The following CSMD1 variants were observed in gnomAD, a reference collection of about 807,000 sequenced individuals.
The protein encoded by CSMD1 is CUB and Sushi multiple domains 1, also known as CUB and sushi domain-containing protein 1.
CSMD1 carries 213 observed loss-of-function variants against 417.5 expected under a neutral mutation model. The ratio of observed to expected loss-of-function variants is 0.51; its 90% CI spans 0.46 to 0.57. The LOEUF is 0.57. Among genes scored for constraint, CSMD1 ranks in the 20% least tolerant of loss-of-function variants. The pLI is 0.00. For synonymous variants in CSMD1, 2,862 were observed against 1,736.8 expected, an observed-to-expected ratio of 1.65 and a Z score of -16.11; for missense variants, 6,923 against 4,529.7, an observed-to-expected ratio of 1.53 and a Z score of -15.17.
chr8:4,361,630 C>G (rs1480391495), intron 3 of CSMD1, among the ~76,000 whole-genome samples: 2 of 152,100 alleles, frequency 1.3e-5, no homozygotes, highest in African/African-American at 4.8e-5. Flanking sequence ...TTTGCTGTCC[C>G]TTTTGTTTTG....
chr8:4,387,198 A>G (rs931778245), intron 3 of CSMD1, among the ~76,000 whole-genome samples: 1 of 152,198 alleles, frequency 6.6e-6, no homozygotes, highest in Non-Finnish European at 1.5e-5. Context: ...GAGGTATCTG[A>G]GTGTCACTCA....
chr8:4,186,611 A>G (rs751041695), intron 3 of CSMD1, among the ~76,000 whole-genome samples: 2 of 152,164 alleles, frequency 1.3e-5, no homozygotes, highest in African/African-American at 2.4e-5. Context: ...CCCCTCTCTC[A>G]ATCTTCCAGG....
At chr8:3,429,943 T>A (rs1057158197) in intron 12 of CSMD1, among the ~76,000 whole-genome samples, 1 of 152,220 alleles carries the variant, frequency 6.6e-6, no homozygotes, top group African/African-American at 2.4e-5. Context: ...TATTTGTCAA[T>A]CTCGATATGT....
intron 3 of CSMD1, among the ~76,000 whole-genome samples, chr8:4,243,415 A>G (rs1202837759): frequency 1.3e-5 from 2 of 152,130 alleles, no homozygotes; most frequent in Non-Finnish European, 2.9e-5. Flanking sequence ...TCTACTGACC[A>G]CTTTGCTCCT....
chr8:3,763,476 C>T (rs926884553), intron 5 of CSMD1, among the ~76,000 whole-genome samples: 1 of 152,098 alleles, frequency 6.6e-6, no homozygotes, highest in African/African-American at 2.4e-5. Flanking sequence ...CCTTTGCTCC[C>T]CTTCTCACCC....
chr8:3,121,437 T>C (rs539255730), intron 41 of CSMD1, among the ~76,000 whole-genome samples: 220 of 152,278 alleles, frequency 1.4e-3, no homozygotes, highest in Middle Eastern at 3.4e-3. Flanking sequence ...ATTCCTGGCA[T>C]TGGCTCCCCC....
At chr8:3,577,198 T>G (rs1043465933) in intron 9 of CSMD1, among the ~76,000 whole-genome samples, 14 of 152,098 alleles carry the variant, frequency 9.2e-5, no homozygotes, top group African/African-American at 2.9e-4. Context: ...TCACTTGGCT[T>G]ATGAAAATTG....
At chr8:3,196,369 C>T (rs1446615212) in intron 33 of CSMD1, among the ~76,000 whole-genome samples, 1 of 152,124 alleles carries the variant, frequency 6.6e-6, no homozygotes, top group Non-Finnish European at 1.5e-5. Context: ...AGCTGAGTGG[C>T]CCATGCTGCT....
chr8:3,362,279 C>A (rs1245637840), intron 20 of CSMD1, among the ~76,000 whole-genome samples: 7 of 152,162 alleles, frequency 4.6e-5, no homozygotes, highest in African/African-American at 1.4e-4. Context: ...TCCATTTTCC[C>A]ATCCTCCCTT....
chr8:4,706,480 G>A (rs1408503406), intron 1 of CSMD1, among the ~76,000 whole-genome samples: 1 of 151,972 alleles, frequency 6.6e-6, no homozygotes, highest in Non-Finnish European at 1.5e-5. Flanking sequence ...ATACAAAAGG[G>A]GAAAGTAAAT....
chr8:4,363,975 T>C (rs1435399931), intron 3 of CSMD1, among the ~76,000 whole-genome samples: 1 of 152,120 alleles, frequency 6.6e-6, no homozygotes, highest in East Asian at 1.9e-4. Flanking sequence ...AGACCTACTT[T>C]TTGCTAGCAT....
At chr8:4,111,145 C>T (rs916705381) in intron 3 of CSMD1, among the ~76,000 whole-genome samples, 2 of 152,136 alleles carry the variant, frequency 1.3e-5, no homozygotes, top group African/African-American at 2.4e-5. Flanking sequence ...TTCGTACACT[C>T]TAATGATTTC....
intron 26 of CSMD1, among the ~76,000 whole-genome samples, chr8:3,238,766 C>A (rs140504203): frequency 2.6e-5 from 4 of 152,070 alleles, no homozygotes; most frequent in Admixed American, 2.0e-4. Context: ...GAGTGCCTGA[C>A]GAGGTTCAGC....
intron 3 of CSMD1, among the ~76,000 whole-genome samples, chr8:4,417,279 C>T (rs545265323): frequency 6.6e-6 from 1 of 152,042 alleles, no homozygotes; most frequent in South Asian, 2.1e-4. Flanking sequence ...TGTTTCTATT[C>T]TCATTATGTA....
chr8:3,395,806 G>C (rs1204891995), intron 17 of CSMD1, among the ~76,000 whole-genome samples: 2 of 151,978 alleles, frequency 1.3e-5, no homozygotes, highest in African/African-American at 2.4e-5. Context: ...TGTTTTTCTA[G>C]CAAGGATCCT....
rs1345659025 is a variant in CSMD1 at position 4,714,647 on chromosome 8, A to G, written c.86-77089T>C. 3.3e-5 allele frequency among the ~76,000 whole-genome samples: 5 copies of G among 149,830 alleles called. No individual in the cohort carries two copies. The East Asian group carries it at 9.9e-4, about 30-fold the overall frequency. On this transcript the variant is annotated intron_variant, in intron 1 of 69. Transcript: ENST00000635120. ...ATCCAAAAACACAGGCCCTTTCCCCAGAAAGACATACTTGTCTTTAATTTC... is the reference window on the plus strand; with the variant it reads ...ATCCAAAAACACAGGCCCTTTCCCCGGAAAGACATACTTGTCTTTAATTTC...
At chr8:4,758,466 A>T (rs1811814659) in intron 1 of CSMD1, among the ~76,000 whole-genome samples, 1 of 152,178 alleles carries the variant, frequency 6.6e-6, no homozygotes, top group Non-Finnish European at 1.5e-5. Flanking sequence ...GCAAGGAAGG[A>T]GCTCAGAAAA....
chr8:3,512,702 G>T (rs1037317592), intron 10 of CSMD1, among the ~76,000 whole-genome samples: 1 of 151,288 alleles, frequency 6.6e-6, no homozygotes, highest in Admixed American at 6.6e-5. Context: ...TCTGCCTCCT[G>T]GGTTCAAGCA....
intron 3 of CSMD1, among the ~76,000 whole-genome samples, chr8:4,227,258 C>A (rs949573736): frequency 2.6e-5 from 4 of 152,104 alleles, no homozygotes; most frequent in African/African-American, 7.2e-5. Flanking sequence ...GCAACATGGA[C>A]GAGCAAGATG....
Sources: gnomAD v4.1 joint callset for allele counts (sites outside exome capture counted in the v4.1 genomes callset) on GRCh38, gnomAD v4.1.1 for gene constraint, MANE v1.5 for transcripts, NCBI Gene and HGNC (gene_info 2026-07-23, HGNC 2026-07-21) for gene names.